Variants in PLCL1 observed in about 807,000 individuals in gnomAD.
PLCL1 encodes inactive phospholipase C-like protein 1.
Under a neutral mutation model 84.4 loss-of-function variants are expected in PLCL1, and 41 were observed. The observed-to-expected ratio is 0.49, with a 90% confidence interval of 0.38 to 0.63. PLCL1 has a LOEUF of 0.63. Ranked by LOEUF, PLCL1 falls within the 30% of genes least tolerant of loss-of-function variation. PLCL1 has a pLI of 0.00. For missense variants in PLCL1, 1,206 were observed against 1,367.8 expected (o/e 0.88, Z 1.87); for synonymous variants, 490 against 488.3 (o/e 1.00, Z -0.05).
chr2:197,930,819 C>T (rs1343227074), intron 1 of PLCL1, among the ~76,000 whole-genome samples: 3 of 152,140 alleles, frequency 2.0e-5, no homozygotes, highest in Non-Finnish European at 4.4e-5. Flanking sequence ...CACAAAAGTT[C>T]CCACATAAGG....
chr2:198,008,796 C>T (rs1690794694), intron 1 of PLCL1, among the ~76,000 whole-genome samples: 1 of 151,956 alleles, frequency 6.6e-6, no homozygotes, highest in African/African-American at 2.4e-5. Flanking sequence ...TCTGTAATGG[C>T]TGCATCATTT....
rs114809797 is a variant in PLCL1 at position 198,031,815 on chromosome 2, A to G, written c.241-51943A>G. Among the ~76,000 whole-genome samples the G allele has an allele frequency of 2.3e-3, 354 of 152,174 alleles. 1 individual carries two copies. Among genetic ancestry groups the G allele is most frequent in the African/African-American group, 8.1e-3 (336 of 41,540 alleles). On this transcript the variant is annotated intron_variant, in intron 1 of 5. Coordinates refer to ENST00000428675, the MANE Select transcript of PLCL1 (RefSeq NM_006226.4). ...GTTCTCAATAAATATTTGTGCCACAAATGACTTAATATTACTTGTTACTAT... is the reference window on the plus strand; with the variant it reads ...GTTCTCAATAAATATTTGTGCCACAGATGACTTAATATTACTTGTTACTAT...
intron 1 of PLCL1, among the ~76,000 whole-genome samples, chr2:197,878,639 G>A (rs1687778371): frequency 6.6e-6 from 1 of 152,150 alleles, no homozygotes; most frequent in Non-Finnish European, 1.5e-5. Context: ...CTGTGTGTGT[G>A]TGCATGTGTG....
chr2:198,093,955 TATAA>T (rs949401505), intron 3 of PLCL1, among the ~76,000 whole-genome samples: 47 of 152,092 alleles, frequency 3.1e-4, no homozygotes, highest in Non-Finnish European at 3.7e-4. Context: ...TATTACCCAC[TATAA>T]ATAAATAAAT....
intron 1 of PLCL1, among the ~76,000 whole-genome samples, chr2:197,818,027 G>C (rs540167396): frequency 5.3e-5 from 8 of 152,094 alleles, no homozygotes; most frequent in Non-Finnish European, 1.2e-4. Flanking sequence ...AGGGAGGACT[G>C]TTCTGGGTTG....
At chr2:197,816,828 T>C (rs1002567189) in intron 1 of PLCL1, among the ~76,000 whole-genome samples, 1 of 152,186 alleles carries the variant, frequency 6.6e-6, no homozygotes, top group Non-Finnish European at 1.5e-5. Context: ...AGGAGGAACA[T>C]GTTTAATATT....
chr2:197,899,153 A>C (rs1688214782), intron 1 of PLCL1, among the ~76,000 whole-genome samples: 1 of 152,218 alleles, frequency 6.6e-6, no homozygotes, highest in Non-Finnish European at 1.5e-5. Context: ...AATCCAGTGG[A>C]GGAGAATGAG....
rs772260935 is a variant in PLCL1, at chr2:198,055,294, C to CCTCTCTCTCTCT, written c.241-28439_241-28428dup. ...AAACCTCAAGGACTGCTGGTCAAAGCCTCTCTCTCTCTCTCTCTCTCTCTC... is the reference window on the plus strand; with the variant it reads ...AAACCTCAAGGACTGCTGGTCAAAGCCTCTCTCTCTCTCTCTCTCTCTCTCTCTCTCTCTCTC... On this transcript the variant is annotated intron_variant, in intron 1 of 5. Coordinates refer to ENST00000428675, the MANE Select transcript of PLCL1 (RefSeq NM_006226.4). Among the ~76,000 whole-genome samples the CCTCTCTCTCTCT allele has an allele frequency of 1.3e-3, 161 of 120,308 alleles. 2 individuals are homozygous for CCTCTCTCTCTCT. The highest frequency in any genetic ancestry group is 4.9e-3 in the African/African-American group (143 of 29,428). The allele number at this position is 120,308 out of a possible 152,430, so 78.9% of individuals were successfully genotyped here.
rs140730555 is a variant in PLCL1 at position 197,821,973 on chromosome 2, C to T, written c.240+16634C>T. ...TGTTTAACCTGGTTAGGAAAATTGA[C>T]CAGAACACGGCTCATGTGCTACTAG... is the stretch of plus-strand genomic sequence containing the variant. On this transcript the variant is annotated intron_variant, in intron 1 of 5. Coordinates refer to ENST00000428675, the MANE Select transcript of PLCL1 (RefSeq NM_006226.4). 7.9e-5 allele frequency among the ~76,000 whole-genome samples: 12 copies of T among 152,198 alleles called. No homozygotes were observed. The East Asian group carries it at 2.1e-3, about 27-fold the overall frequency.
chr2:198,033,894 G>T (rs1418228600), intron 1 of PLCL1, among the ~76,000 whole-genome samples: 2 of 148,780 alleles, frequency 1.3e-5, no homozygotes, highest in Non-Finnish European at 3.0e-5. Flanking sequence ...ACCGCAGCCT[G>T]CCCTGTCCTG....
intron 1 of PLCL1, among the ~76,000 whole-genome samples, chr2:197,826,051 T>A (rs1690921812): frequency 1.3e-5 from 2 of 152,194 alleles, no homozygotes; most frequent in Non-Finnish European, 2.9e-5. Context: ...TTCCTAGCAG[T>A]TGTACCTGCC....
rs111306321 is a variant in PLCL1 at position 198,010,914 on chromosome 2, G to A, written c.241-72844G>A. Reference sequence around the variant, plus strand: ...TTTTTTTAGATTATCCAATTTGTTGGCATATAATTGCTCATAGTAGTATAT... The same window carrying A: ...TTTTTTTAGATTATCCAATTTGTTGACATATAATTGCTCATAGTAGTATAT... On this transcript the variant is annotated intron_variant, in intron 1 of 5. Coordinates refer to ENST00000428675, the MANE Select transcript of PLCL1 (RefSeq NM_006226.4). Among the ~76,000 whole-genome samples, 1,291 of 151,620 alleles carry A rather than the reference G, an allele frequency of 8.5e-3. 18 individuals carry two copies. Among genetic ancestry groups the A allele is most frequent in the African/African-American group, 0.03 (1,231 of 41,360 alleles).
chr2:197,986,226 A>G (rs1690214865), intron 1 of PLCL1, among the ~76,000 whole-genome samples: 1 of 152,224 alleles, frequency 6.6e-6, no homozygotes, highest in South Asian at 2.1e-4. Flanking sequence ...AGACCCTGGA[A>G]TTAATGCATT....
At chr2:198,132,650 G>A (rs1180349191) in intron 5 of PLCL1, among the ~76,000 whole-genome samples, 1 of 152,146 alleles carries the variant, frequency 6.6e-6, no homozygotes, top group Non-Finnish European at 1.5e-5. Context: ...TGGGTTTGGT[G>A]AATGTATGGT....
At chr2:197,879,243 C>T (rs1352369822) in intron 1 of PLCL1, among the ~76,000 whole-genome samples, 2 of 152,174 alleles carry the variant, frequency 1.3e-5, no homozygotes, top group Non-Finnish European at 2.9e-5. Flanking sequence ...AGCCTTATTA[C>T]TTAATAATAC....
intron 1 of PLCL1, among the ~76,000 whole-genome samples, chr2:197,808,799 G>A (rs1690530424): frequency 6.6e-6 from 1 of 152,182 alleles, no homozygotes; most frequent in Admixed American, 6.5e-5. Flanking sequence ...AATAGCAGTT[G>A]ATTTTTCTTC....
Position 198,101,306 on chromosome 2 carries a change from C to G in PLCL1, c.2941C>G (p.Leu981Val). The stretch of plus-strand genomic sequence containing the variant: ...ACAGATGATTCAAGAGAGCCGGTTT[C>G]TCATAGAAATGGCGGACACAGTCCA... Reference protein sequence around the residue: ...YDLMIQESRFLIEMADTVQEK... With the variant: ...YDLMIQESRFVIEMADTVQEK... The change falls in exon 4 of 6, where the codon CTC (leucine) becomes GTC (valine). Residue 981 changes from leucine to valine, a missense_variant. Coordinates refer to ENST00000428675, the MANE Select transcript of PLCL1 (RefSeq NM_006226.4). 2 of 1,598,678 alleles carry G rather than the reference C, an allele frequency of 1.3e-6. No individual in the cohort carries two copies. The highest frequency in any genetic ancestry group is 1.1e-5 in the South Asian group (1 of 90,396).
intron 1 of PLCL1, among the ~76,000 whole-genome samples, chr2:197,859,744 T>G (rs1467230867): frequency 6.6e-6 from 1 of 152,228 alleles, no homozygotes; most frequent in Non-Finnish European, 1.5e-5. Context: ...CAGTATAGGT[T>G]TGTAGCCTAG....
intron 1 of PLCL1, among the ~76,000 whole-genome samples, chr2:197,967,569 T>A (rs1476986744): frequency 6.6e-6 from 1 of 152,224 alleles, no homozygotes; most frequent in Non-Finnish European, 1.5e-5. Context: ...ATTTTATATT[T>A]CTTTATTTAC....
Sources: gnomAD v4.1 joint callset for allele counts (sites outside exome capture counted in the v4.1 genomes callset) on GRCh38, gnomAD v4.1.1 for gene constraint, MANE v1.5 for transcripts, NCBI Gene and HGNC (gene_info 2026-07-23, HGNC 2026-07-21) for gene names.